EXOC4: variants seen among roughly 807,000 people sequenced by gnomAD.
EXOC4 encodes SEC8-like 1.
EXOC4 carries 71 observed loss-of-function variants against 107.2 expected under a neutral mutation model. That is an observed-to-expected ratio of 0.66 (90% CI 0.55 to 0.81). The LOEUF is 0.81. Ranked by LOEUF, EXOC4 falls within the 30% of genes least tolerant of loss-of-function variation. EXOC4 has a pLI of 0.00. For missense variants in EXOC4, 1,108 were observed against 1,189.6 expected (o/e 0.93, Z 1.01); for synonymous variants, 456 against 441.2 (o/e 1.03, Z -0.42).
At chr7:133,593,243 A>G (rs1347962250) in intron 9 of EXOC4, among the ~76,000 whole-genome samples, 3 of 152,222 alleles carry the variant, frequency 2.0e-5, no homozygotes, top group South Asian at 4.1e-4. Flanking sequence ...AGGAGAATGA[A>G]TCACATATCA....
chr7:133,273,961 A>G (rs1793931933), intron 1 of EXOC4, among the ~76,000 whole-genome samples: 1 of 152,246 alleles, frequency 6.6e-6, no homozygotes, highest in Non-Finnish European at 1.5e-5. Flanking sequence ...TACCACAGCC[A>G]ACAGATAAGA....
chr7:133,658,289 A>C (rs1254034586), intron 10 of EXOC4, among the ~76,000 whole-genome samples: 1 of 152,076 alleles, frequency 6.6e-6, no homozygotes, highest in Non-Finnish European at 1.5e-5. Flanking sequence ...GCACTTTCTC[A>C]CCTATGGTTT....
At chr7:134,039,138 A>G (rs1054023043) in intron 17 of EXOC4, among the ~76,000 whole-genome samples, 2 of 152,218 alleles carry the variant, frequency 1.3e-5, no homozygotes, top group Non-Finnish European at 2.9e-5. Flanking sequence ...AAAGATTGCT[A>G]TATGAGGCCA....
chr7:133,419,336 G>C (rs1797550439), intron 7 of EXOC4, among the ~76,000 whole-genome samples: 1 of 152,118 alleles, frequency 6.6e-6, no homozygotes, highest in South Asian at 2.1e-4. Context: ...ACAGATTAAG[G>C]ACTTATTTAC....
intron 5 of EXOC4, among the ~76,000 whole-genome samples, chr7:133,344,082 A>T (rs1795729792): frequency 6.6e-6 from 1 of 152,090 alleles, no homozygotes. Flanking sequence ...CTCCCAATAT[A>T]CTGGGATTAC....
At chr7:133,546,406 C>T (rs988709838) in intron 9 of EXOC4, among the ~76,000 whole-genome samples, 1 of 152,062 alleles carries the variant, frequency 6.6e-6, no homozygotes, top group Non-Finnish European at 1.5e-5. Context: ...CAGGCATGTG[C>T]CACCATACCC....
At chr7:133,484,296 A>C in intron 9 of EXOC4, 1 of 882,426 alleles carries the variant, frequency 1.1e-6, no homozygotes, top group South Asian at 2.2e-5. Flanking sequence ...TGGGCTGCGG[A>C]GATGTGGGTG....
intron 10 of EXOC4, among the ~76,000 whole-genome samples, chr7:133,693,308 C>T (rs1465979628): frequency 6.6e-6 from 1 of 152,114 alleles, no homozygotes; most frequent in African/African-American, 2.4e-5. Flanking sequence ...AGGAAGCATC[C>T]AGCATGGGAG....
At chr7:133,584,816 C>T (rs912795602) in intron 9 of EXOC4, among the ~76,000 whole-genome samples, 4 of 151,934 alleles carry the variant, frequency 2.6e-5, no homozygotes, top group African/African-American at 7.3e-5. Context: ...TGACCTCAGG[C>T]GATCTGCCCG....
chr7:133,958,702 G>C (rs1466898580), intron 14 of EXOC4, among the ~76,000 whole-genome samples: 1 of 152,174 alleles, frequency 6.6e-6, no homozygotes, highest in Non-Finnish European at 1.5e-5. Context: ...AGGAGGACTT[G>C]TTAAAAGTCT....
At chr7:133,525,122 C>G (rs2150915196) in intron 9 of EXOC4, among the ~76,000 whole-genome samples, 1 of 152,222 alleles carries the variant, frequency 6.6e-6, no homozygotes, top group East Asian at 1.9e-4. Flanking sequence ...TCTTGGAGTG[C>G]TTCATAGTGT....
intron 9 of EXOC4, among the ~76,000 whole-genome samples, chr7:133,514,376 A>C (rs1784264318): frequency 6.6e-6 from 1 of 152,056 alleles, no homozygotes; most frequent in South Asian, 2.1e-4. Context: ...GTTAGCCAGC[A>C]TTGTCTCAAT....
chr7:133,883,275 T>C (rs543207522), intron 11 of EXOC4, among the ~76,000 whole-genome samples: 2 of 152,144 alleles, frequency 1.3e-5, no homozygotes, highest in South Asian at 2.1e-4. Context: ...TATACCACAA[T>C]TTCTTTGCCC....
At chr7:133,472,799 G>A (rs1037528623) in intron 7 of EXOC4, among the ~76,000 whole-genome samples, 1 of 152,120 alleles carries the variant, frequency 6.6e-6, no homozygotes. Context: ...TGGGTGGATA[G>A]GAATAGACTA....
At chr7:134,079,702 G>A in the EXOC4 span, among the ~76,000 whole-genome samples, 1 of 152,162 alleles carries the variant, frequency 6.6e-6, no homozygotes, top group African/African-American at 2.4e-5. Flanking sequence ...CAGATGCAGT[G>A]TCAGTTCCTC....
intron 17 of EXOC4, among the ~76,000 whole-genome samples, chr7:134,032,032 G>A (rs1362122691): frequency 6.6e-6 from 1 of 152,068 alleles, no homozygotes; most frequent in African/African-American, 2.4e-5. Context: ...GGAAATACTA[G>A]CCTTTCTAGA....
intron 13 of EXOC4, among the ~76,000 whole-genome samples, chr7:133,925,252 C>T (rs1800026047): frequency 6.6e-6 from 1 of 151,990 alleles, no homozygotes; most frequent in Non-Finnish European, 1.5e-5. Context: ...TGTTTTTTAA[C>T]TAAAAAATAA....
intron 9 of EXOC4, among the ~76,000 whole-genome samples, chr7:133,502,627 A>T (rs1799595764): frequency 6.6e-6 from 1 of 152,146 alleles, no homozygotes; most frequent in Admixed American, 6.6e-5. Context: ...CAAGCCATAG[A>T]TGACCACTTA....
intron 7 of EXOC4, among the ~76,000 whole-genome samples, chr7:133,405,266 A>C (rs546187711): frequency 6.6e-6 from 1 of 152,258 alleles, no homozygotes; most frequent in East Asian, 1.9e-4. Context: ...ATTTTATATT[A>C]GTATGTAGGC....
Sources: gnomAD v4.1 joint callset for allele counts (sites outside exome capture counted in the v4.1 genomes callset) on GRCh38, gnomAD v4.1.1 for gene constraint, MANE v1.5 for transcripts, NCBI Gene and HGNC (gene_info 2026-07-23, HGNC 2026-07-21) for gene names.